Variants in CNTNAP2 observed in about 807,000 individuals in gnomAD.
The protein encoded by CNTNAP2 is contactin associated protein 2.
Under a neutral mutation model 155.2 loss-of-function variants are expected in CNTNAP2, and 98 were observed. The ratio of observed to expected loss-of-function variants is 0.63; its 90% CI spans 0.54 to 0.75. CNTNAP2 has a LOEUF of 0.75. Ranked by LOEUF, CNTNAP2 falls within the 30% of genes least tolerant of loss-of-function variation. The pLI, the probability that CNTNAP2 is intolerant of heterozygous loss-of-function variation, is 0.00. For missense variants in CNTNAP2, 1,727 were observed against 1,688.1 expected (o/e 1.02, Z -0.40); for synonymous variants, 651 against 631.2 (o/e 1.03, Z -0.47).
chr7:147,653,440 C>T (rs1315436649), intron 13 of CNTNAP2, among the ~76,000 whole-genome samples: 2 of 152,138 alleles, frequency 1.3e-5, no homozygotes, highest in East Asian at 3.9e-4. Context: ...GGGGGATGAA[C>T]AGCAGGACAC....
At chr7:147,530,365 A>G (rs1193787714) in intron 11 of CNTNAP2, among the ~76,000 whole-genome samples, 1 of 151,958 alleles carries the variant, frequency 6.6e-6, no homozygotes, top group Non-Finnish European at 1.5e-5. Flanking sequence ...TTTTTAGTGG[A>G]GATGGGGTTT....
At chr7:148,272,242 G>A (rs903521346) in intron 21 of CNTNAP2, among the ~76,000 whole-genome samples, 12 of 152,188 alleles carry the variant, frequency 7.9e-5, no homozygotes, top group African/African-American at 2.9e-4. Flanking sequence ...CTAGCAATCA[G>A]CAAAGGTTCA....
At chr7:147,878,293 T>C (rs1167035388) in intron 13 of CNTNAP2, among the ~76,000 whole-genome samples, 1 of 152,148 alleles carries the variant, frequency 6.6e-6, no homozygotes, top group Non-Finnish European at 1.5e-5. Flanking sequence ...ATAGTGATGA[T>C]GATGATGATT....
At chr7:147,257,459 C>T (rs932218422) in intron 8 of CNTNAP2, among the ~76,000 whole-genome samples, 1 of 152,206 alleles carries the variant, frequency 6.6e-6, no homozygotes, top group Admixed American at 6.5e-5. Context: ...AGACGAAATG[C>T]ACAGTGGGTG....
At chr7:147,026,471 A>G (rs1798921164) in intron 3 of CNTNAP2, among the ~76,000 whole-genome samples, 1 of 152,194 alleles carries the variant, frequency 6.6e-6, no homozygotes, top group Admixed American at 6.5e-5. Context: ...TAACAAATAT[A>G]AAATGTTTTA....
chr7:146,573,164 G>C (rs1459450030), intron 1 of CNTNAP2, among the ~76,000 whole-genome samples: 1 of 152,056 alleles, frequency 6.6e-6, no homozygotes, highest in Non-Finnish European at 1.5e-5. Flanking sequence ...TATTTTTTGA[G>C]ACAGAGTCTC....
At chr7:148,111,221 A>G (rs182244218) in intron 15 of CNTNAP2, among the ~76,000 whole-genome samples, 6 of 152,280 alleles carry the variant, frequency 3.9e-5, no homozygotes, top group African/African-American at 9.6e-5. Flanking sequence ...GGACCCCCAA[A>G]CTCACAATCC....
At chr7:148,081,452 A>G (rs992645169) in intron 15 of CNTNAP2, among the ~76,000 whole-genome samples, 1 of 152,010 alleles carries the variant, frequency 6.6e-6, no homozygotes, top group South Asian at 2.1e-4. Flanking sequence ...AATATAAAGC[A>G]GGCAGAAAAA....
At chr7:146,781,147 G>C (rs1431831365) in intron 2 of CNTNAP2, among the ~76,000 whole-genome samples, 2 of 150,104 alleles carry the variant, frequency 1.3e-5, no homozygotes, top group African/African-American at 4.9e-5. Context: ...AGAATGGCCT[G>C]AACCCGGGAG....
In CNTNAP2 at chr7:146,463,004, C is replaced by T. The variant is rs144148953; in HGVS notation, c.98-311267C>T. Among the ~76,000 whole-genome samples, 962 of 152,180 alleles carry T rather than the reference C, an allele frequency of 6.3e-3. 10 individuals carry two copies. The highest frequency in any genetic ancestry group is 0.022 in the African/African-American group (908 of 41,514). On this transcript the variant is annotated intron_variant, in intron 1 of 23. Coordinates refer to ENST00000361727, the MANE Select transcript of CNTNAP2 (RefSeq NM_014141.6). ...CATCAGACATTAACCTTCCCCCTTG[C>T]AGGTGAGGTAGGCCTACACTCCAGT...
chr7:147,262,579 C>T (rs535391835), intron 8 of CNTNAP2, among the ~76,000 whole-genome samples: 14 of 152,114 alleles, frequency 9.2e-5, no homozygotes, highest in East Asian at 1.9e-4. Flanking sequence ...CCGAGGTGGG[C>T]GGATCACGGG....
chr7:147,337,785 G>A (rs751937606), intron 9 of CNTNAP2, among the ~76,000 whole-genome samples: 8 of 152,116 alleles, frequency 5.3e-5, no homozygotes, highest in Admixed American at 5.2e-4. Flanking sequence ...TTTACATGGA[G>A]TATTCAAAGC....
intron 8 of CNTNAP2, among the ~76,000 whole-genome samples, chr7:147,245,684 G>A (rs943142946): frequency 7.2e-5 from 10 of 138,416 alleles, no homozygotes; most frequent in African/African-American, 2.4e-4. Flanking sequence ...AAATACAAAA[G>A]TTAGCGTGGC....
intron 21 of CNTNAP2, among the ~76,000 whole-genome samples, chr7:148,308,141 A>G (rs1482075663): frequency 6.6e-6 from 1 of 152,110 alleles, no homozygotes; most frequent in Non-Finnish European, 1.5e-5. Flanking sequence ...AATGAATTTC[A>G]TGTTTTAATA....
chr7:148,352,196 T>C (rs191780072), intron 21 of CNTNAP2, among the ~76,000 whole-genome samples: 1 of 152,288 alleles, frequency 6.6e-6, no homozygotes, highest in African/African-American at 2.4e-5. Flanking sequence ...GTCTGATTTA[T>C]GTTTTTACAA....
At chr7:146,938,136 T>C (rs964281033) in intron 3 of CNTNAP2, among the ~76,000 whole-genome samples, 8 of 152,076 alleles carry the variant, frequency 5.3e-5, no homozygotes, top group Non-Finnish European at 1.0e-4. Context: ...AGATGTCTGA[T>C]CTCTAGTCTC....
In CNTNAP2 at chr7:146,368,050, T is replaced by C. The variant is rs535823195; in HGVS notation, c.97+251077T>C. 9.2e-5 allele frequency among the ~76,000 whole-genome samples: 14 copies of C among 152,212 alleles called. No homozygotes were observed. In the South Asian group the frequency reaches 2.9e-3, roughly 32 times the overall value. The stretch of plus-strand genomic sequence containing the variant: ...TCCCTGAATTCTCTCTTGCTTTGAG[T>C]TCTTAGGTACATCTATATTAGATAT... On this transcript the variant is annotated intron_variant, in intron 1 of 23. Coordinates refer to ENST00000361727, the MANE Select transcript of CNTNAP2 (RefSeq NM_014141.6).
chr7:146,228,065 G>T (rs1799324654), intron 1 of CNTNAP2, among the ~76,000 whole-genome samples: 1 of 152,170 alleles, frequency 6.6e-6, no homozygotes, highest in Non-Finnish European at 1.5e-5. Flanking sequence ...TTTCACTGCT[G>T]CCCTCTACCT....
At chr7:146,416,887 C>T (rs2129112450) in intron 1 of CNTNAP2, among the ~76,000 whole-genome samples, 1 of 152,180 alleles carries the variant, frequency 6.6e-6, no homozygotes, top group Non-Finnish European at 1.5e-5. Flanking sequence ...CATCTATGCA[C>T]TAAAAATACA....
Sources: allele counts gnomAD v4.1 joint callset (sites outside exome capture counted in the v4.1 genomes callset), GRCh38; gene constraint gnomAD v4.1.1; transcripts MANE v1.5; gene names NCBI Gene and HGNC (gene_info 2026-07-23, HGNC 2026-07-21).